ROCK2: variants seen among roughly 807,000 people sequenced by gnomAD.
The protein encoded by ROCK2 is Rho associated coiled-coil containing protein kinase 2.
ROCK2 carries 61 observed loss-of-function variants against 195.1 expected under a neutral mutation model. The ratio of observed to expected loss-of-function variants is 0.31; its 90% CI spans 0.25 to 0.39. The LOEUF (loss-of-function observed/expected upper bound fraction) is 0.39. Ranked by LOEUF, ROCK2 falls within the 10% of genes least tolerant of loss-of-function variation. The pLI is 1.00. For missense variants in ROCK2, 1,109 were observed against 1,637.4 expected, an observed-to-expected ratio of 0.68 and a Z score of 5.57; for synonymous variants, 504 against 545.5, an observed-to-expected ratio of 0.92 and a Z score of 1.06.
At chr2:11,274,082 A>G (rs959765764) in intron 3 of ROCK2, among the ~76,000 whole-genome samples, 2 of 152,130 alleles carry the variant, frequency 1.3e-5, no homozygotes, top group Non-Finnish European at 2.9e-5. Context: ...CAACACAACA[A>G]AAAACTTAAC....
chr2:11,216,840 T>C (rs4669699), intron 12 of ROCK2, among the ~76,000 whole-genome samples: 122,968 of 152,110 alleles, frequency 0.81, 51,309 homozygotes, highest in East Asian at 0.99. Context: ...TTCTCTGCCT[T>C]GGCCTCCCAG....
intron 1 of ROCK2, among the ~76,000 whole-genome samples, chr2:11,288,050 T>A (rs1667253561): frequency 6.6e-6 from 1 of 152,246 alleles, no homozygotes; most frequent in Admixed American, 6.5e-5. Context: ...CCAAATTTCA[T>A]CAGGTTTTGA....
rs759714742 is a variant in ROCK2, at chr2:11,344,090, G to T, written c.47C>A (p.Thr16Asn). 1 of 1,532,108 alleles carries T rather than the reference G, an allele frequency of 6.5e-7. No homozygotes were observed. Among genetic ancestry groups the T allele is most frequent in the Non-Finnish European group, 8.7e-7 (1 of 1,146,348 alleles). The allele number at this position is 1,532,108 out of a possible 1,614,324, so 94.9% of individuals were successfully genotyped here. A position where few individuals can be genotyped will look rare whatever the true frequency, so the allele number is the denominator to read the frequency against. Residue 16 changes from threonine to asparagine, a missense_variant, in exon 1 of 33, where the codon ACC becomes AAC. Physicochemically the swap from Thr to Asn is moderately conservative, Grantham distance 65. Transcript: ENST00000315872. This position sits in a 1 kb window ranked among gnomAD's most constrained non-coding sequence, Gnocchi z 5.4. ...PTGKMPGAPE[T>N]APGDGAGASR... ...CGCGCCTGCCCCGTCCCCCGGCGCG[G>T]TCTCGGGGGCGCCGGGCATTTTCCC...
At chr2:11,195,681 T>C (rs1663608325) in intron 27 of ROCK2, among the ~76,000 whole-genome samples, 1 of 152,016 alleles carries the variant, frequency 6.6e-6, no homozygotes, top group African/African-American at 2.4e-5. Context: ...CGCCCAGCTA[T>C]TTCTTGTATT....
intron 1 of ROCK2, among the ~76,000 whole-genome samples, chr2:11,317,613 T>TATATATATATA (rs1553317465): frequency 0.018 from 353 of 20,124 alleles, 5 homozygotes; most frequent in Non-Finnish European, 0.023. Flanking sequence ...TATATATATA[T>TATATATATATA]TTTTTTTTTT....
At chr2:11,317,579 T>TATATATATAAAAAAAAAAAAAA (rs1668239771) in intron 1 of ROCK2, among the ~76,000 whole-genome samples, 1 of 12,034 alleles carries the variant, frequency 8.3e-5, no homozygotes, top group African/African-American at 2.9e-4. Flanking sequence ...TACACATTTA[T>TATATATATAAAAAAAAAAAAAA]ATATATATAT....
intron 1 of ROCK2, chr2:11,308,324 C>G (rs1469448863): frequency 1.2e-5 from 14 of 1,143,092 alleles, no homozygotes; most frequent in Admixed American, 3.4e-5. Context: ...AAAGAATATT[C>G]TTACATATAA....
chr2:11,334,624 A>C (rs1354214109), intron 1 of ROCK2, among the ~76,000 whole-genome samples: 4 of 151,468 alleles, frequency 2.6e-5, no homozygotes, highest in Non-Finnish European at 5.9e-5. Flanking sequence ...AAATAAAAAT[A>C]AACTCAAAAG....
In ROCK2 at chr2:11,259,514, G is replaced by A. The variant is rs181376056; in HGVS notation, c.325-9716C>T. On this transcript the variant is annotated intron_variant, in intron 3 of 32. Coordinates refer to ENST00000315872, the MANE Select transcript of ROCK2 (RefSeq NM_004850.5). ...CTCTGCCACTTAATTCTTTCTCCTT[G>A]GGCAGGTCATTTGACCTCTCTGAGA... Among the ~76,000 whole-genome samples, 10 of 151,290 alleles carry A rather than the reference G, an allele frequency of 6.6e-5. No individual in the cohort carries two copies. In the South Asian group the frequency reaches 1.5e-3, roughly 22 times the overall value.
chr2:11,191,237 A>C (rs995381587), intron 32 of ROCK2, among the ~76,000 whole-genome samples: 3 of 152,212 alleles, frequency 2.0e-5, no homozygotes, highest in African/African-American at 7.2e-5. Flanking sequence ...ATGTTTATAA[A>C]TGCTGAAGTA....
chr2:11,194,363 A>G lies in ROCK2; in HGVS notation c.3520-19T>C, dbSNP rs755998768. 1.8e-6 allele frequency: 2 copies of G among 1,101,840 alleles called. No homozygotes were observed. Among genetic ancestry groups the G allele is most frequent in the African/African-American group, 3.2e-5 (2 of 62,544 alleles). 68.3% of individuals were successfully genotyped at this position (1,101,840 alleles called of 1,614,324 possible). On this transcript the variant is annotated intron_variant, in intron 28 of 32. Coordinates refer to ENST00000315872, the MANE Select transcript of ROCK2 (RefSeq NM_004850.5). Reference sequence around the variant, plus strand: ...TCACATACTGTTAAAACAGGGAGAAAAGAAATCAGTAATTCAAGTTTTTAT... The same window carrying G: ...TCACATACTGTTAAAACAGGGAGAAGAGAAATCAGTAATTCAAGTTTTTAT...
chr2:11,232,260 C>A (rs1441049190), intron 5 of ROCK2, among the ~76,000 whole-genome samples: 1 of 152,070 alleles, frequency 6.6e-6, no homozygotes, highest in Admixed American at 6.6e-5. Context: ...ACCCAAGGAG[C>A]TGGGATTACA....
intron 20 of ROCK2, 137 bp from the exon 21 acceptor site, chr2:11,202,258 A>G: frequency 1.4e-6 from 1 of 730,744 alleles, no homozygotes; most frequent in Non-Finnish European, 2.5e-6. Flanking sequence ...TCATTTTCAT[A>G]ATACTGAGCA....
At chr2:11,275,265 A>G (rs1176360867) in intron 3 of ROCK2, among the ~76,000 whole-genome samples, 2 of 70,230 alleles carry the variant, frequency 2.8e-5, no homozygotes, top group East Asian at 1.8e-3. Context: ...GTCAAAAAAA[A>G]AAAAAAAAGA....
At chr2:11,317,786 C>T (rs1022385022) in intron 1 of ROCK2, among the ~76,000 whole-genome samples, 23 of 150,024 alleles carry the variant, frequency 1.5e-4, no homozygotes, top group African/African-American at 7.4e-5. Flanking sequence ...CCACAACAGG[C>T]CCCGGTGTGT....
intron 32 of ROCK2, among the ~76,000 whole-genome samples, chr2:11,188,038 G>A (rs1487082091): frequency 2.0e-5 from 3 of 148,852 alleles, no homozygotes; most frequent in African/African-American, 7.4e-5. Context: ...TAAATACTGC[G>A]TTAAAAAAAA....
chr2:11,318,535 T>C (rs112233372), intron 1 of ROCK2, among the ~76,000 whole-genome samples: 3,660 of 152,236 alleles, frequency 0.024, 176 homozygotes, highest in African/African-American at 0.084. Context: ...ATTGCAAAAA[T>C]TTTCTCCCAT....
intron 3 of ROCK2, among the ~76,000 whole-genome samples, chr2:11,283,485 C>T (rs1386789526): frequency 2.1e-5 from 3 of 143,700 alleles, no homozygotes; most frequent in East Asian, 2.1e-4. Context: ...GGCGTGAACC[C>T]GGGAAGCGGA....
intron 3 of ROCK2, among the ~76,000 whole-genome samples, chr2:11,254,727 T>TAAAA (rs10640683): frequency 0.12 from 4,534 of 39,034 alleles, 988 homozygotes; most frequent in East Asian, 0.34. Context: ...CCCTGTCTCT[T>TAAAA]AAAAAAAAAA....
Sources: gnomAD v4.1 joint callset for allele counts (sites outside exome capture counted in the v4.1 genomes callset) on GRCh38, gnomAD v4.1.1 for gene constraint, Gnocchi (gnomAD v3.1) non-coding constraint, MANE v1.5 for transcripts, NCBI Gene and HGNC (gene_info 2026-07-23, HGNC 2026-07-21) for gene names.